The following RTTN variants were observed in gnomAD, a reference collection of about 807,000 sequenced individuals.
RTTN encodes rotatin.
In RTTN, 182 loss-of-function variants were observed where a neutral mutation model predicts 269.2. The observed-to-expected ratio is 0.68, with a 90% CI of 0.60 to 0.76. The LOEUF (loss-of-function observed/expected upper bound fraction) is 0.76, where lower values mean the gene tolerates loss of function less well. Among genes scored for constraint, RTTN ranks in the 30% least tolerant of loss-of-function variants. RTTN has a pLI of 0.00. For missense variants in RTTN, 2,545 were observed against 2,608.6 expected, an observed-to-expected ratio of 0.98 and a Z score of 0.53; for synonymous variants, 1,006 against 963.5, an observed-to-expected ratio of 1.04 and a Z score of -0.82.
chr18:70,121,263 T>G (rs543182433), intron 26 of RTTN, among the ~76,000 whole-genome samples: 4 of 152,248 alleles, frequency 2.6e-5, no homozygotes, highest in African/African-American at 9.6e-5. Flanking sequence ...CCCTGTCCCC[T>G]GCCACCTGAA....
chr18:70,102,287 T>A (rs1036041670), intron 28 of RTTN, among the ~76,000 whole-genome samples: 69 of 152,226 alleles, frequency 4.5e-4, no homozygotes, highest in Admixed American at 4.5e-3. Context: ...ATATTTAGGA[T>A]AGTTAGCTCT....
intron 40 of RTTN, among the ~76,000 whole-genome samples, chr18:70,035,690 A>T (rs2057151576): frequency 6.6e-6 from 1 of 152,252 alleles, no homozygotes; most frequent in Admixed American, 6.5e-5. Flanking sequence ...AACTGCAACA[A>T]AAGCAAAAAT....
chr18:70,103,028 G>C (rs183947211), intron 28 of RTTN, among the ~76,000 whole-genome samples: 23 of 149,022 alleles, frequency 1.5e-4, no homozygotes, highest in Admixed American at 1.2e-3. Flanking sequence ...GGGAAGTGAG[G>C]AGCGCCTCTG....
At chr18:70,154,588 T>C (rs1226475632) in intron 14 of RTTN, among the ~76,000 whole-genome samples, 3 of 152,280 alleles carry the variant, frequency 2.0e-5, no homozygotes, top group South Asian at 4.2e-4. Flanking sequence ...ATCATAAATG[T>C]AGGTTTCTAA....
intron 21 of RTTN, among the ~76,000 whole-genome samples, chr18:70,137,535 G>T (rs1430755078): frequency 6.6e-6 from 1 of 151,866 alleles, no homozygotes; most frequent in Non-Finnish European, 1.5e-5. Flanking sequence ...AAATCTCCCA[G>T]GCCCTGCACG....
intron 40 of RTTN, among the ~76,000 whole-genome samples, chr18:70,046,190 G>GC (rs1438061387): frequency 6.6e-6 from 1 of 152,006 alleles, no homozygotes; most frequent in African/African-American, 2.4e-5. Context: ...AAATAAAATA[G>GC]CCCTGGCTTT....
intron 9 of RTTN, 35 bp from the exon 10 acceptor site, chr18:70,188,258 A>T: frequency 8.7e-7 from 1 of 1,155,458 alleles, no homozygotes; most frequent in Non-Finnish European, 1.3e-6. Context: ...AAAGGAGAAG[A>T]AGTTACTTAA....
rs1255795905 is a variant in RTTN at position 70,059,813 on chromosome 18, C to T, written c.4940+37G>A. The T allele has an allele frequency of 2.9e-6, 4 of 1,378,316 alleles. No homozygotes were observed. In the African/African-American group the frequency reaches 5.8e-5, roughly 20 times the overall value. 85.4% of individuals were successfully genotyped at this position (1,378,316 alleles called of 1,614,324 possible). A position where few individuals can be genotyped will look rare whatever the true frequency, so the allele number is the denominator to read the frequency against. On this transcript the variant is annotated intron_variant, in intron 36 of 48. Transcript: ENST00000640769. ...GAATACAGTTTGTGTAAATTTATCT[C>T]AACTAACATGCCTCTCTAGGAGTAT...
At chr18:70,022,415 C>G (rs2056732897) in intron 44 of RTTN, among the ~76,000 whole-genome samples, 2 of 152,018 alleles carry the variant, frequency 1.3e-5, no homozygotes, top group Admixed American at 6.6e-5. Flanking sequence ...GGGCTCTTAC[C>G]TGCACTCTTT....
chr18:70,030,416 CT>C (rs2056979341), intron 41 of RTTN, among the ~76,000 whole-genome samples: 1 of 152,138 alleles, frequency 6.6e-6, no homozygotes, highest in Non-Finnish European at 1.5e-5. Flanking sequence ...CCATTATTCT[CT>C]TTTAATTCTC....
chr18:70,080,023 C>T (rs1486537425), intron 32 of RTTN, among the ~76,000 whole-genome samples: 1 of 151,710 alleles, frequency 6.6e-6, no homozygotes, highest in African/African-American at 2.4e-5. Context: ...ATTAGAAATC[C>T]AAAACTACAT....
rs780426764 is a variant in RTTN at position 70,128,346 on chromosome 18, A to G, written c.3143+12T>C. The G allele has an allele frequency of 1.9e-6, 3 of 1,602,240 alleles. No individual in the cohort carries two copies. The highest frequency in any genetic ancestry group is 2.7e-5 in the African/African-American group (2 of 74,618). On this transcript the variant is annotated intron_variant, in intron 24 of 48. Transcript: ENST00000640769. ...AATTGCAAATGCTTTTTAAACTAAT[A>G]TAAGAGCTTACTCTTGCGTTTTAGT...
At chr18:70,181,115 A>G (rs1448925633) in intron 10 of RTTN, among the ~76,000 whole-genome samples, 5 of 152,172 alleles carry the variant, frequency 3.3e-5, no homozygotes, top group Non-Finnish European at 7.4e-5. Context: ...TTCTTTCACA[A>G]TCCTCTTAGC....
intron 17 of RTTN, among the ~76,000 whole-genome samples, chr18:70,146,092 C>A (rs923232367): frequency 1.3e-5 from 2 of 152,098 alleles, no homozygotes; most frequent in Admixed American, 6.6e-5. Flanking sequence ...ATCAATAACT[C>A]CTGTCTTCAA....
intron 14 of RTTN, among the ~76,000 whole-genome samples, chr18:70,155,721 C>T (rs907284416): frequency 5.3e-5 from 8 of 152,138 alleles, no homozygotes; most frequent in Non-Finnish European, 8.8e-5. Context: ...GTGCCTGTTG[C>T]GGGAAGTCAG....
At chr18:70,100,416 A>C (rs915437795) in intron 28 of RTTN, among the ~76,000 whole-genome samples, 2 of 152,242 alleles carry the variant, frequency 1.3e-5, no homozygotes, top group Admixed American at 6.5e-5. Context: ...TGACTTCTGC[A>C]CATTGATTTT....
At chr18:70,006,525 C>A (rs771878530) in intron 46 of RTTN, 41 bp from the exon 47 acceptor site, 2 of 1,420,434 alleles carry the variant, frequency 1.4e-6, no homozygotes, top group South Asian at 2.3e-5. Context: ...CAGTCCCAGA[C>A]ACTGCATTGT....
At chr18:70,102,076 G>A (rs1340207286) in intron 28 of RTTN, among the ~76,000 whole-genome samples, 3 of 152,214 alleles carry the variant, frequency 2.0e-5, no homozygotes, top group Non-Finnish European at 4.4e-5. Flanking sequence ...GGAGAGTTCT[G>A]TAGATGCCTA....
At chr18:70,139,353 T>C (rs1245509296) in intron 21 of RTTN, among the ~76,000 whole-genome samples, 1 of 152,208 alleles carries the variant, frequency 6.6e-6, no homozygotes, top group African/African-American at 2.4e-5. Context: ...AGATGACATC[T>C]ACATCAAGGC....
Sources: gnomAD v4.1 joint callset for allele counts (sites outside exome capture counted in the v4.1 genomes callset) on GRCh38, gnomAD v4.1.1 for gene constraint, MANE v1.5 for transcripts, NCBI Gene and HGNC (gene_info 2026-07-23, HGNC 2026-07-21) for gene names.